PKD1L1: variants seen among roughly 807,000 people sequenced by gnomAD.
The protein encoded by PKD1L1 is polycystin-1-like protein 1.
In PKD1L1, 236 loss-of-function variants were observed where a neutral mutation model predicts 323.4. The observed-to-expected ratio is 0.73, with a 90% CI of 0.66 to 0.81. The LOEUF (loss-of-function observed/expected upper bound fraction) is 0.81. PKD1L1 is among the 40% of genes least tolerant of loss of function. The pLI is 0.00. For synonymous variants in PKD1L1, 1,344 were observed against 1,335.0 expected, an observed-to-expected ratio of 1.01 and a Z score of -0.15; for missense variants, 3,320 against 3,508.0, an observed-to-expected ratio of 0.95 and a Z score of 1.35.
chr7:47,795,402 C>T (rs1784498709), intron 55 of PKD1L1: 1 of 454,710 alleles, frequency 2.2e-6, no homozygotes, highest in Admixed American at 2.4e-5. Flanking sequence ...GTGCCTTTCA[C>T]CTCCCACCAT....
chr7:47,822,951 C>T (rs961560559), intron 45 of PKD1L1, among the ~76,000 whole-genome samples: 1 of 140,398 alleles, frequency 7.1e-6, no homozygotes, highest in African/African-American at 2.7e-5. Flanking sequence ...AGTTCCAGAA[C>T]CCTTTTTTTT....
intron 26 of PKD1L1, among the ~76,000 whole-genome samples, chr7:47,861,721 A>G (rs1786028581): frequency 6.6e-6 from 1 of 151,854 alleles, no homozygotes; most frequent in African/African-American, 2.4e-5. Flanking sequence ...TCTCTACTAA[A>G]AACACAAAAA....
rs1785433636 is a variant in PKD1L1, at chr7:47,835,243, G to T, written c.5944C>A (p.Pro1982Thr). ...AGGGTGGGGCTGACGTCCAAGTGGG[G>T]CTGCAACAAAGCAACAGCAGCCATT... Reference protein sequence around the residue: ...ALVAAGGQEQPHLDVSPTLGS... With the variant: ...ALVAAGGQEQTHLDVSPTLGS... Residue 1982 changes from proline to threonine, a missense_variant and splice_region_variant, in exon 38 of 57, where the codon CCC (proline) becomes ACC (threonine). Physicochemically the swap from Pro to Thr is conservative, Grantham distance 38. Coordinates refer to ENST00000289672, the MANE Select transcript of PKD1L1 (RefSeq NM_138295.5). 6.3e-7 allele frequency: 1 copy of T among 1,582,190 alleles called. No individual in the cohort carries two copies. The highest frequency in any genetic ancestry group is 2.0e-5 in the Admixed American group (1 of 50,634).
chr7:47,945,659 G>A (rs1287299798), intron 1 of PKD1L1, among the ~76,000 whole-genome samples: 2 of 152,194 alleles, frequency 1.3e-5, no homozygotes, highest in Non-Finnish European at 2.9e-5. Context: ...TTTCTGCAAT[G>A]ATCTAGCGGG....
intron 12 of PKD1L1, among the ~76,000 whole-genome samples, chr7:47,903,501 T>C (rs1287420645): frequency 6.6e-6 from 1 of 152,234 alleles, no homozygotes; most frequent in African/African-American, 2.4e-5. Flanking sequence ...TCTTTCCTTA[T>C]GTGAAAATCT....
intron 12 of PKD1L1, among the ~76,000 whole-genome samples, chr7:47,903,678 T>C (rs1787139578): frequency 6.6e-6 from 1 of 152,192 alleles, no homozygotes; most frequent in Non-Finnish European, 1.5e-5. Flanking sequence ...TTCTAGATAC[T>C]TCTGCACCCT....
intron 30 of PKD1L1, among the ~76,000 whole-genome samples, chr7:47,854,308 C>T (rs141256655): frequency 7.3e-4 from 111 of 152,124 alleles, no homozygotes; most frequent in African/African-American, 2.6e-3. Flanking sequence ...ACGGGGACTC[C>T]GAGAAGGAAG....
chr7:47,931,945 A>C lies in PKD1L1; in HGVS notation c.510T>G (p.Ala170=). 6.2e-7 allele frequency: 1 copy of C among 1,612,064 alleles called. No homozygotes were observed. The part of the protein sequence containing the change: ...ATGTADSTFS[A]LLQLQGTTSA... The stretch of plus-strand genomic sequence containing the variant: ...GGGGTTAGATACCAACCTGGAGAAG[A>C]GCAGAGAATGTGCTGTCTGCGGTCC... The change falls in exon 5 of 57, where the codon GCT becomes GCG. Residue 170 remains alanine, a synonymous_variant. Coordinates refer to ENST00000289672, the MANE Select transcript of PKD1L1 (RefSeq NM_138295.5).
At chr7:47,884,537 G>A in intron 19 of PKD1L1, 61 bp downstream of exon 19, 1 of 1,450,432 alleles carries the variant, frequency 6.9e-7, no homozygotes, top group Non-Finnish European at 9.7e-7. Context: ...AATCCAGATT[G>A]CAGAAAGGCT....
At chr7:47,828,716 T>G (rs1785284138) in intron 44 of PKD1L1, among the ~76,000 whole-genome samples, 1 of 152,082 alleles carries the variant, frequency 6.6e-6, no homozygotes, top group Non-Finnish European at 1.5e-5. Flanking sequence ...GCAGCCTTGG[T>G]TTTAGGCAGG....
chr7:47,830,470 C>T (rs972500203), intron 42 of PKD1L1, among the ~76,000 whole-genome samples: 9 of 152,306 alleles, frequency 5.9e-5, no homozygotes, highest in African/African-American at 2.2e-4. Context: ...TGGATGCTGG[C>T]GGGTGCTCCG....
At chr7:47,882,486 G>A (rs1786582167) in intron 19 of PKD1L1, among the ~76,000 whole-genome samples, 1 of 152,138 alleles carries the variant, frequency 6.6e-6, no homozygotes, top group African/African-American at 2.4e-5. Flanking sequence ...ATAAACTCAG[G>A]TAATGAAGGA....
At chr7:47,827,248 TCC>T (rs1171431942) in intron 45 of PKD1L1, 100 bp downstream of exon 45, 30 of 1,085,304 alleles carry the variant, frequency 2.8e-5, no homozygotes, top group Non-Finnish European at 3.9e-5. Flanking sequence ...TCCCCACTCC[TCC>T]AGGAGAACAA....
chr7:47,803,757 C>G (rs1198576060), intron 52 of PKD1L1, among the ~76,000 whole-genome samples: 9 of 152,194 alleles, frequency 5.9e-5, no homozygotes, highest in Admixed American at 5.9e-4. Context: ...CCCCCAGATA[C>G]ATGTACAGAA....
intron 8 of PKD1L1, among the ~76,000 whole-genome samples, chr7:47,912,520 A>C (rs77761734): frequency 0.015 from 2,216 of 152,212 alleles, 49 homozygotes; most frequent in African/African-American, 0.05. Flanking sequence ...GTTGCAAATA[A>C]AGAAATAACT....
chr7:47,934,182 TG>T (rs1361432886), intron 4 of PKD1L1, among the ~76,000 whole-genome samples: 1 of 152,252 alleles, frequency 6.6e-6, no homozygotes, highest in Non-Finnish European at 1.5e-5. Flanking sequence ...CAGCTCTGGC[TG>T]CAAAGTAATG....
At position 47,836,982 on chromosome 7, in the gene PKD1L1, A is replaced by G; in HGVS notation, c.5882T>C (p.Phe1961Ser). 6.2e-7 allele frequency: 1 copy of G among 1,614,176 alleles called. No homozygotes were observed. Among genetic ancestry groups the G allele is most frequent in the Non-Finnish European group, 8.5e-7 (1 of 1,180,028 alleles). The change falls in exon 37 of 57, where the codon TTC becomes TCC. Residue 1961 changes from phenylalanine (F) to serine (S), a missense_variant. Phe to Ser is a radical substitution (Grantham distance 155). Transcript: ENST00000289672. ...ACACGCGTAGACGCACAGCAGGGAG[A>G]AGGACACGGTGAGGCGCGGCGTGTG... Reference protein sequence around the residue: ...YLHTPRLTVSFSLLCVYACLT... With the variant: ...YLHTPRLTVSSSLLCVYACLT...
chr7:47,827,320 C>T, intron 45 of PKD1L1, 30 bp downstream of exon 45: 1 of 1,563,084 alleles, frequency 6.4e-7, no homozygotes, highest in Non-Finnish European at 8.7e-7. Context: ...TGGAGTGGAG[C>T]AAGCCCTCCC....
Position 47,915,560 on chromosome 7 carries a change from G to T in PKD1L1, c.1100C>A (p.Ser367Tyr). The change falls in exon 8 of 57, where the codon TCC becomes TAC. Residue 367 changes from serine to tyrosine, a missense_variant. By Grantham distance (144) the Ser-to-Tyr change is moderately radical (BLOSUM62 -2). Coordinates refer to ENST00000289672, the MANE Select transcript of PKD1L1 (RefSeq NM_138295.5). ...FHLLHFQLDM[S>Y]TYKEAETQNT... ...TTGTGTCTCTGCTTCTTTGTAGGTG[G>T]ACATATCCAACTGAAAATGTAAAAG... 6.4e-7 allele frequency: 1 copy of T among 1,554,680 alleles called. No homozygotes were observed. The highest frequency in any genetic ancestry group is 1.4e-5 in the African/African-American group (1 of 73,102).
Sources: gnomAD v4.1 joint callset for allele counts (sites outside exome capture counted in the v4.1 genomes callset) on GRCh38, gnomAD v4.1.1 for gene constraint, MANE v1.5 for transcripts, NCBI Gene and HGNC (gene_info 2026-07-23, HGNC 2026-07-21) for gene names.